Variants in PDE10A observed in about 807,000 individuals in gnomAD.
The protein encoded by PDE10A is cAMP and cAMP-inhibited cGMP 3',5'-cyclic phosphodiesterase 10A.
In PDE10A, 39 loss-of-function variants were observed where a neutral mutation model predicts 97.7. The observed-to-expected ratio is 0.40, with a 90% CI of 0.31 to 0.52. The LOEUF (loss-of-function observed/expected upper bound fraction) is 0.52. Ranked by LOEUF, PDE10A falls within the 20% of genes least tolerant of loss-of-function variation. PDE10A has a pLI of 0.56. For missense variants in PDE10A, 731 were observed against 1,047.8 expected (o/e 0.70, Z 4.17); for synonymous variants, 371 against 376.8 (o/e 0.98, Z 0.18).
intron 1 of PDE10A, among the ~76,000 whole-genome samples, chr6:165,983,948 C>T (rs1270435207): frequency 6.6e-6 from 1 of 152,214 alleles, no homozygotes; most frequent in Admixed American, 6.5e-5. Flanking sequence ...TAGCCATATA[C>T]CACAGACATC....
chr6:165,527,272 A>G (rs1193073093), intron 2 of PDE10A, among the ~76,000 whole-genome samples: 1 of 152,204 alleles, frequency 6.6e-6, no homozygotes, highest in African/African-American at 2.4e-5. Context: ...CAGCCCATTT[A>G]TTGAGTGACC....
At chr6:165,510,582 T>C (rs996084217) in intron 2 of PDE10A, among the ~76,000 whole-genome samples, 3 of 152,012 alleles carry the variant, frequency 2.0e-5, no homozygotes, top group Non-Finnish European at 4.4e-5. Context: ...CCTCTTCAAT[T>C]TCTTGGAATA....
intron 1 of PDE10A, among the ~76,000 whole-genome samples, chr6:165,794,153 A>T (rs1485635672): frequency 2.7e-5 from 4 of 149,648 alleles, no homozygotes; most frequent in Non-Finnish European, 3.0e-5. Context: ...ACTCACACAC[A>T]CTCACTGCAC....
At chr6:165,696,302 C>T (rs573419978) in intron 1 of PDE10A, among the ~76,000 whole-genome samples, 2 of 152,150 alleles carry the variant, frequency 1.3e-5, no homozygotes, top group South Asian at 2.1e-4. Context: ...CTGAAAATAC[C>T]GAATGAAAAA....
intron 1 of PDE10A, among the ~76,000 whole-genome samples, chr6:165,720,165 G>A (rs1304829705): frequency 2.6e-5 from 4 of 152,200 alleles, no homozygotes; most frequent in East Asian, 3.8e-4. Context: ...TGGCTGTTCC[G>A]TGTGGAAATC....
intron 1 of PDE10A, among the ~76,000 whole-genome samples, chr6:165,761,117 GC>G (rs1381230217): frequency 2.0e-5 from 3 of 152,150 alleles, no homozygotes; most frequent in Non-Finnish European, 4.4e-5. Flanking sequence ...TGGGAAACCC[GC>G]TAGCAGGACT....
chr6:165,912,237 G>A (rs1357273401), intron 1 of PDE10A, among the ~76,000 whole-genome samples: 3 of 151,498 alleles, frequency 2.0e-5, no homozygotes, highest in Non-Finnish European at 4.4e-5. Flanking sequence ...ACACACACAC[G>A]TATATGTATA....
At chr6:165,766,320 A>G (rs1458434069) in intron 1 of PDE10A, among the ~76,000 whole-genome samples, 1 of 152,252 alleles carries the variant, frequency 6.6e-6, no homozygotes, top group East Asian at 1.9e-4. Flanking sequence ...TTCGATCACA[A>G]AAGATTCAGC....
intron 1 of PDE10A, among the ~76,000 whole-genome samples, chr6:165,817,267 G>A (rs1372732651): frequency 6.6e-6 from 1 of 152,110 alleles, no homozygotes; most frequent in Non-Finnish European, 1.5e-5. Context: ...ACAAAAGAGG[G>A]CTATCCTGGG....
At chr6:165,491,016 C>T (rs1780196535) in intron 2 of PDE10A, among the ~76,000 whole-genome samples, 1 of 152,048 alleles carries the variant, frequency 6.6e-6, no homozygotes, top group Non-Finnish European at 1.5e-5. Context: ...ACTCACCTGA[C>T]TCATAAGGAC....
intron 1 of PDE10A, among the ~76,000 whole-genome samples, chr6:165,934,260 A>G (rs1480807196): frequency 6.7e-6 from 1 of 148,756 alleles, no homozygotes; most frequent in East Asian, 2.0e-4. Flanking sequence ...TTGGCCTCCC[A>G]AAGTGCTGAG....
chr6:165,461,824 A>G (rs552291753), intron 3 of PDE10A, among the ~76,000 whole-genome samples: 1 of 152,372 alleles, frequency 6.6e-6, no homozygotes, highest in South Asian at 2.1e-4. Flanking sequence ...CACTACCTGG[A>G]AAGAAGCTAA....
At chr6:165,382,167 G>T (rs1202474741) in intron 17 of PDE10A, among the ~76,000 whole-genome samples, 2 of 152,118 alleles carry the variant, frequency 1.3e-5, no homozygotes, top group Non-Finnish European at 2.9e-5. Context: ...CTGTGGCTGA[G>T]ATCTGATATT....
chr6:165,632,019 G>A (rs2128415093), intron 1 of PDE10A, among the ~76,000 whole-genome samples: 1 of 151,642 alleles, frequency 6.6e-6, no homozygotes, highest in African/African-American at 2.4e-5. Context: ...TGACCAACAT[G>A]GTGAAACTCT....
intron 2 of PDE10A, among the ~76,000 whole-genome samples, chr6:165,543,036 T>G (rs1158640884): frequency 6.6e-6 from 1 of 152,200 alleles, no homozygotes; most frequent in Non-Finnish European, 1.5e-5. Context: ...GTTTTTATAT[T>G]GGCTTGTTTT....
intron 1 of PDE10A, among the ~76,000 whole-genome samples, chr6:165,669,453 C>A (rs1034486188): frequency 6.6e-6 from 1 of 152,212 alleles, no homozygotes; most frequent in East Asian, 1.9e-4. Flanking sequence ...TCTCCTCCCC[C>A]ACTCCAGAGC....
chr6:165,653,654 C>T (rs1188031401), intron 1 of PDE10A, among the ~76,000 whole-genome samples: 2 of 152,216 alleles, frequency 1.3e-5, no homozygotes, highest in Non-Finnish European at 2.9e-5. Flanking sequence ...CAGAACGCCC[C>T]TCATCAGGTC....
chr6:165,619,680 T>TAGTGTAGTCC (rs1788023668), intron 1 of PDE10A, among the ~76,000 whole-genome samples: 1 of 124,252 alleles, frequency 8.0e-6, no homozygotes, highest in African/African-American at 3.7e-5. Flanking sequence ...TAGTGTAGTC[T>TAGTGTAGTCC]AGTGTAGTGT....
chr6:165,848,563 G>A (rs1780487511), intron 1 of PDE10A, among the ~76,000 whole-genome samples: 1 of 152,128 alleles, frequency 6.6e-6, no homozygotes, highest in South Asian at 2.1e-4. Context: ...CACCATGCGG[G>A]AAAAATCAGC....
Sources: gnomAD v4.1 joint callset for allele counts (sites outside exome capture counted in the v4.1 genomes callset) on GRCh38, gnomAD v4.1.1 for gene constraint, MANE v1.5 for transcripts, NCBI Gene and HGNC (gene_info 2026-07-23, HGNC 2026-07-21) for gene names.